Variants in MYO1E observed in about 807,000 individuals in gnomAD.
MYO1E encodes unconventional myosin-Ie.
Under a neutral mutation model 151.1 loss-of-function variants are expected in MYO1E, and 68 were observed. The ratio of observed to expected loss-of-function variants is 0.45; its 90% CI spans 0.37 to 0.55. MYO1E has a LOEUF of 0.55. MYO1E is among the 20% of genes least tolerant of loss of function. The pLI, the probability that MYO1E is intolerant of heterozygous loss-of-function variation, is 0.00. For synonymous variants in MYO1E, 601 were observed against 501.7 expected (o/e 1.20, Z -2.64); for missense variants, 1,363 against 1,389.3 (o/e 0.98, Z 0.30).
chr15:59,294,650 C>T (rs8042005), intron 1 of MYO1E, among the ~76,000 whole-genome samples: 3,060 of 152,274 alleles, frequency 0.02, 103 homozygotes, highest in African/African-American at 0.068. Context: ...GTCGTTTCAG[C>T]CCCCACAGGA....
intron 1 of MYO1E, among the ~76,000 whole-genome samples, chr15:59,289,664 A>T (rs868494527): frequency 1.4e-4 from 22 of 152,334 alleles, no homozygotes; most frequent in Non-Finnish European, 7.3e-5. Context: ...CCAGAAGATG[A>T]GGGGCAATGC....
chr15:59,216,632 G>A (rs531055327), intron 10 of MYO1E, among the ~76,000 whole-genome samples: 7 of 66,910 alleles, frequency 1.0e-4, no homozygotes, highest in Middle Eastern at 8.9e-3. Context: ...CTTTTGGATC[G>A]AAGGGCCCCC....
chr15:59,342,732 CAGTT>C (rs1307521721), intron 1 of MYO1E, among the ~76,000 whole-genome samples: 5 of 152,172 alleles, frequency 3.3e-5, no homozygotes, highest in African/African-American at 1.2e-4. Flanking sequence ...GTGATTTTCT[CAGTT>C]GGCACATTTT....
chr15:59,161,059 C>A lies in MYO1E; in HGVS notation c.2785+14G>T. ...CGGCGGCAGTTCTGCCTGCAGGGCC[C>A]GTGGAGCACTTACGGGAGTTCTTGG... On this transcript the variant is annotated intron_variant, in intron 24 of 27. Transcript: ENST00000288235. The A allele has an allele frequency of 6.2e-7, 1 of 1,612,678 alleles. No homozygotes were observed. The highest frequency in any genetic ancestry group is 1.1e-5 in the South Asian group (1 of 91,016).
At chr15:59,349,274 T>C (rs2080810909) in intron 1 of MYO1E, among the ~76,000 whole-genome samples, 1 of 152,212 alleles carries the variant, frequency 6.6e-6, no homozygotes, top group Non-Finnish European at 1.5e-5. Context: ...CCTATATTTT[T>C]TCTATTTGCA....
chr15:59,364,898 G>A (rs2080904578), intron 1 of MYO1E, among the ~76,000 whole-genome samples: 1 of 152,090 alleles, frequency 6.6e-6, no homozygotes, highest in Admixed American at 6.6e-5. Context: ...GACAGAGTGA[G>A]ACTCCATCTC....
intron 25 of MYO1E, 96 bp from the exon 26 acceptor site, chr15:59,153,887 T>G: frequency 8.5e-7 from 1 of 1,177,686 alleles, no homozygotes; most frequent in South Asian, 1.3e-5. Context: ...AAGGGCAGCT[T>G]ACTTAACTTC....
chr15:59,147,595 T>TAAAAAAAA (rs1566963989), intron 26 of MYO1E, among the ~76,000 whole-genome samples: 4 of 5,974 alleles, frequency 6.7e-4, no homozygotes, highest in Admixed American at 3.4e-3. Flanking sequence ...AGACTCTGTC[T>TAAAAAAAA]CAAAAAAAAA....
At chr15:59,371,871 G>A (rs2080947298) in intron 1 of MYO1E, among the ~76,000 whole-genome samples, 1 of 151,480 alleles carries the variant, frequency 6.6e-6, no homozygotes, top group African/African-American at 2.4e-5. Context: ...GCTCTTGACA[G>A]CCCGCCGGCC....
rs749418622 is a variant in MYO1E, at chr15:59,350,545, A to C, written c.3+21953T>G. ...TTACTGAGAGGAAAGTGGGGAGAGG[A>C]GGCCTGATCCACAGCTAACCATAAT... On this transcript the variant is annotated intron_variant, in intron 1 of 27. Transcript: ENST00000288235. This position sits in a 1 kb window ranked among gnomAD's most constrained non-coding sequence, Gnocchi z 5.0. Among the ~76,000 whole-genome samples, 2 of 152,180 alleles carry C rather than the reference A, an allele frequency of 1.3e-5. No individual in the cohort carries two copies. Among genetic ancestry groups the C allele is most frequent in the Non-Finnish European group, 2.9e-5 (2 of 68,038 alleles).
intron 2 of MYO1E, among the ~76,000 whole-genome samples, chr15:59,268,780 C>A (rs1303797151): frequency 8.5e-6 from 1 of 117,698 alleles, no homozygotes; most frequent in Non-Finnish European, 1.7e-5. Flanking sequence ...AATGAACCTA[C>A]ATTGCTCTAA....
intron 1 of MYO1E, among the ~76,000 whole-genome samples, chr15:59,359,265 T>C (rs1396528538): frequency 7.9e-5 from 10 of 127,318 alleles, no homozygotes; most frequent in Admixed American, 2.8e-4. Context: ...GTAAAATATA[T>C]ATATATTTTA....
chr15:59,132,747 G>C lies in MYO1E; in HGVS notation c.*4633C>G, dbSNP rs1313670729. The C allele has an allele frequency of 2.6e-5, 4 of 152,228 alleles. No homozygotes were observed. The highest frequency in any genetic ancestry group is 5.9e-5 in the Non-Finnish European group (4 of 68,048). The allele number at this position is 152,228 out of a possible 1,614,324, so 9.4% of individuals were successfully genotyped here. On this transcript the variant is annotated 3_prime_UTR_variant, in exon 28 of 28. Transcript: ENST00000288235. ...TTCTGTACCTGTGAAGTGGGGATAAGAGTGTCTCCCTCATAGGGTGGTGCT... is the reference window on the plus strand; with the variant it reads ...TTCTGTACCTGTGAAGTGGGGATAACAGTGTCTCCCTCATAGGGTGGTGCT...
At chr15:59,213,954 C>T (rs1490375982) in intron 12 of MYO1E, among the ~76,000 whole-genome samples, 1 of 152,210 alleles carries the variant, frequency 6.6e-6, no homozygotes, top group African/African-American at 2.4e-5. Context: ...CCATTTCCCA[C>T]GTGCTCAATG....
intron 1 of MYO1E, among the ~76,000 whole-genome samples, chr15:59,290,722 T>C (rs1177770155): frequency 3.3e-5 from 5 of 152,178 alleles, no homozygotes; most frequent in African/African-American, 1.2e-4. Context: ...TAGACATCAA[T>C]TGCCAAAACA....
intron 21 of MYO1E, among the ~76,000 whole-genome samples, chr15:59,173,519 A>T (rs2079607605): frequency 6.6e-6 from 1 of 152,226 alleles, no homozygotes; most frequent in Non-Finnish European, 1.5e-5. Flanking sequence ...AAATACGCAA[A>T]TGTATGTTTT....
intron 1 of MYO1E, among the ~76,000 whole-genome samples, chr15:59,294,254 G>A (rs934778510): frequency 1.3e-5 from 2 of 152,044 alleles, no homozygotes; most frequent in African/African-American, 4.8e-5. Context: ...TCTCATGATC[G>A]TGCCCCTTAG....
At chr15:59,253,511 C>T (rs867159106) in intron 4 of MYO1E, among the ~76,000 whole-genome samples, 5 of 126,272 alleles carry the variant, frequency 4.0e-5, no homozygotes, top group South Asian at 2.8e-4. Flanking sequence ...GAGACAGAGT[C>T]TCACTCTGTC....
intron 1 of MYO1E, among the ~76,000 whole-genome samples, chr15:59,301,758 C>G (rs761729234): frequency 6.6e-6 from 1 of 152,196 alleles, no homozygotes; most frequent in Non-Finnish European, 1.5e-5. Flanking sequence ...CTGCGACTTA[C>G]TACTGGCTGG....
Sources: gnomAD v4.1 joint callset for allele counts (sites outside exome capture counted in the v4.1 genomes callset) on GRCh38, gnomAD v4.1.1 for gene constraint, Gnocchi (gnomAD v3.1) non-coding constraint, MANE v1.5 for transcripts, NCBI Gene and HGNC (gene_info 2026-07-23, HGNC 2026-07-21) for gene names.